The following SYNRG variants were observed in gnomAD, a reference collection of about 807,000 sequenced individuals.
The protein encoded by SYNRG is AP1 gamma subunit binding protein 1.
Under a neutral mutation model 130.9 loss-of-function variants are expected in SYNRG, and 37 were observed. The ratio of observed to expected loss-of-function variants is 0.28; its 90% CI spans 0.22 to 0.37. The LOEUF is 0.37. Among genes scored for constraint, SYNRG ranks in the 10% least tolerant of loss-of-function variants. The probability of loss-of-function intolerance (pLI) is 1.00; values close to 1 mark genes in which losing one functional copy is unlikely to be tolerated. For synonymous variants in SYNRG, 539 were observed against 568.1 expected, an observed-to-expected ratio of 0.95 and a Z score of 0.73; for missense variants, 1,338 against 1,588.9, an observed-to-expected ratio of 0.84 and a Z score of 2.68.
rs149279935 is a variant in SYNRG, at chr17:37,577,424, T to C, written c.779A>G (p.Glu260Gly). The change falls in exon 7 of 22, where the codon GAG becomes GGG. Residue 260 changes from glutamate (E) to glycine (G), a missense_variant. Physicochemically the swap from Glu to Gly is moderately conservative, Grantham distance 98. This residue lies in a region of SYNRG where 1,146 missense variants were observed against 1,342.3 expected (regional missense o/e 0.85). Coordinates refer to ENST00000612223, the MANE Select transcript of SYNRG (RefSeq NM_007247.6). ...DGCVSGTTTA[E>G]AENTSDQNLS... ...GTTTTGATCTGAAGTATTTTCTGCC[T>C]CTGCAGTGGTGGTACCACTTACACA... The C allele has an allele frequency of 1.4e-5, 22 of 1,614,120 alleles. No individual in the cohort carries two copies. In the African/African-American group the frequency reaches 2.8e-4, roughly 21 times the overall value.
chr17:37,573,788 T>C (rs9911068), intron 8 of SYNRG, among the ~76,000 whole-genome samples: 3 of 152,128 alleles, frequency 2.0e-5, no homozygotes, highest in African/African-American at 4.8e-5. Flanking sequence ...TGTTTTGGAA[T>C]AATCAATGTT....
intron 1 of SYNRG, among the ~76,000 whole-genome samples, chr17:37,607,955 C>CAA (rs67822733): frequency 0.011 from 573 of 50,856 alleles, 21 homozygotes; most frequent in African/African-American, 0.023. Flanking sequence ...GACTTCCTCT[C>CAA]AAAAAAAAAA....
At chr17:37,525,063 A>C (rs189684877) in intron 19 of SYNRG, among the ~76,000 whole-genome samples, 2 of 152,336 alleles carry the variant, frequency 1.3e-5, no homozygotes, top group Non-Finnish European at 2.9e-5. Flanking sequence ...CCTGTGATCA[A>C]ATTACTCTTT....
chr17:37,591,634 T>C (rs1233097543), intron 3 of SYNRG, among the ~76,000 whole-genome samples: 1 of 152,162 alleles, frequency 6.6e-6, no homozygotes. Flanking sequence ...ACAGAGAACC[T>C]AGAGAAAGAT....
At chr17:37,561,091 A>C in intron 13 of SYNRG, 104 bp downstream of exon 13, 1 of 944,410 alleles carries the variant, frequency 1.1e-6, no homozygotes, top group Non-Finnish European at 1.7e-6. Context: ...ACACACAGAC[A>C]CACACACACT....
At position 37,609,272 on chromosome 17, in the gene SYNRG, C is replaced by T. The variant is rs2064176372; in HGVS notation, c.77+7G>A. 4.8e-6 allele frequency: 7 copies of T among 1,443,532 alleles called. No homozygotes were observed. The East Asian group carries it at 1.8e-4, about 37-fold the overall frequency. The allele number at this position is 1,443,532 out of a possible 1,614,324, so 89.4% of individuals were successfully genotyped here. A position where few individuals can be genotyped will look rare whatever the true frequency, so the allele number is the denominator to read the frequency against. On this transcript the variant is annotated splice_region_variant and intron_variant, in intron 1 of 21. Transcript: ENST00000612223. Reference sequence around the variant, plus strand: ...CAGCGGGCTCCCGCCCGGCTCTTCACACCTACCCGCCTCCCCCGGCGGACC... The same window carrying T: ...CAGCGGGCTCCCGCCCGGCTCTTCATACCTACCCGCCTCCCCCGGCGGACC...
intron 14 of SYNRG, among the ~76,000 whole-genome samples, chr17:37,547,480 G>A (rs530657782): frequency 1.4e-5 from 2 of 145,254 alleles, no homozygotes; most frequent in South Asian, 4.3e-4. Context: ...TTTTTTTTTG[G>A]AGATGGAGTC....
At chr17:37,608,324 C>T (rs923608379) in intron 1 of SYNRG, among the ~76,000 whole-genome samples, 7 of 152,124 alleles carry the variant, frequency 4.6e-5, no homozygotes. Context: ...ACTTCGTTTT[C>T]CAAAGACAAT....
chr17:37,532,439 G>C (rs542577590), intron 19 of SYNRG, among the ~76,000 whole-genome samples: 1 of 152,302 alleles, frequency 6.6e-6, no homozygotes, highest in Non-Finnish European at 1.5e-5. Context: ...TTGGGAGGCA[G>C]AGGTGGGTGA....
chr17:37,534,156 C>T (rs1297981074), intron 19 of SYNRG, among the ~76,000 whole-genome samples: 2 of 150,320 alleles, frequency 1.3e-5, no homozygotes, highest in African/African-American at 2.5e-5. Context: ...TTTGGCCAGG[C>T]TGGTCTCGAA....
chr17:37,549,751 C>T (rs891508577), intron 14 of SYNRG, among the ~76,000 whole-genome samples: 13 of 152,158 alleles, frequency 8.5e-5, no homozygotes, highest in East Asian at 1.9e-4. Flanking sequence ...CCACCGTGCC[C>T]GGCTAATTTT....
At chr17:37,525,094 C>T (rs180706494) in intron 19 of SYNRG, among the ~76,000 whole-genome samples, 1 of 152,300 alleles carries the variant, frequency 6.6e-6, no homozygotes, top group Admixed American at 6.5e-5. Context: ...AATTAACCTT[C>T]TTAAGTACAC....
intron 21 of SYNRG, among the ~76,000 whole-genome samples, chr17:37,519,886 CACTACAACTTCCAGGCTT>C: frequency 6.6e-6 from 1 of 152,348 alleles, no homozygotes; most frequent in South Asian, 2.1e-4. Context: ...ATCTGTGTGT[CACTACAACTTCCAGGCTT>C]CCAGAAGTTG....
intron 18 of SYNRG, among the ~76,000 whole-genome samples, chr17:37,538,036 A>C (rs1426827805): frequency 6.6e-6 from 1 of 152,262 alleles, no homozygotes; most frequent in Non-Finnish European, 1.5e-5. Context: ...AGATGATTTT[A>C]CTTTAGTGCA....
chr17:37,522,122 T>C (rs79153188), intron 19 of SYNRG, among the ~76,000 whole-genome samples: 1 of 70,784 alleles, frequency 1.4e-5, no homozygotes, highest in East Asian at 5.3e-4. Context: ...TTATATGCAT[T>C]ATCTAATTCA....
intron 14 of SYNRG, among the ~76,000 whole-genome samples, chr17:37,551,849 A>T (rs2058730838): frequency 6.6e-6 from 1 of 151,120 alleles, no homozygotes; most frequent in African/African-American, 2.5e-5. Flanking sequence ...GCAGCAAAAA[A>T]ATAAGAAAAT....
chr17:37,540,260 TG>T, intron 16 of SYNRG, 119 bp downstream of exon 16: 1 of 1,200,798 alleles, frequency 8.3e-7, no homozygotes, highest in Non-Finnish European at 1.2e-6. Context: ...AGTTTATGTC[TG>T]GTGCTTTGTG....
chr17:37,555,102 A>G (rs1431104567), intron 13 of SYNRG, among the ~76,000 whole-genome samples: 1 of 152,088 alleles, frequency 6.6e-6, no homozygotes, highest in Non-Finnish European at 1.5e-5. Context: ...AGACTCAGTT[A>G]AGACATTGAT....
intron 11 of SYNRG, among the ~76,000 whole-genome samples, chr17:37,564,273 A>G (rs1377737356): frequency 6.6e-6 from 1 of 152,190 alleles, no homozygotes; most frequent in Non-Finnish European, 1.5e-5. Context: ...TGCCTTCCAG[A>G]GGCCCTTCAG....
Sources: gnomAD v4.1 joint callset for allele counts (sites outside exome capture counted in the v4.1 genomes callset) on GRCh38, gnomAD v4.1.1 for gene constraint, gnomAD v4.1.1 regional missense constraint, MANE v1.5 for transcripts, NCBI Gene and HGNC (gene_info 2026-07-23, HGNC 2026-07-21) for gene names.